The following SDCCAG8 variants were observed in gnomAD, a reference collection of about 807,000 sequenced individuals.
SDCCAG8 encodes the protein SHH signaling and ciliogenesis regulator SDCCAG8.
Under a neutral mutation model 101.8 loss-of-function variants are expected in SDCCAG8, and 74 were observed. That is an observed-to-expected ratio of 0.73 (90% CI 0.60 to 0.88). SDCCAG8 has a LOEUF of 0.88. Ranked by LOEUF, SDCCAG8 falls within the 40% of genes least tolerant of loss-of-function variation. The probability of loss-of-function intolerance (pLI) is 0.00; values close to 1 mark genes in which losing one functional copy is unlikely to be tolerated. For synonymous variants in SDCCAG8, 281 were observed against 292.9 expected (o/e 0.96, Z 0.41); for missense variants, 787 against 822.6 (o/e 0.96, Z 0.53).
intron 16 of SDCCAG8, among the ~76,000 whole-genome samples, chr1:243,442,450 C>T (rs1237098132): frequency 6.6e-6 from 1 of 152,170 alleles, no homozygotes; most frequent in Non-Finnish European, 1.5e-5. Context: ...GATGCGTCTA[C>T]AGCCAACCTC....
At chr1:243,315,856 G>A (rs2073187141) in intron 8 of SDCCAG8, among the ~76,000 whole-genome samples, 1 of 152,148 alleles carries the variant, frequency 6.6e-6, no homozygotes, top group South Asian at 2.1e-4. Flanking sequence ...ACAAAACAGG[G>A]AACACCATAT....
At chr1:243,329,118 CTTAAA>C (rs2074410247) in intron 9 of SDCCAG8, among the ~76,000 whole-genome samples, 3 of 152,102 alleles carry the variant, frequency 2.0e-5, no homozygotes, top group African/African-American at 4.8e-5. Context: ...GCTCCAAGGG[CTTAAA>C]TTATAGAAAA....
At chr1:243,266,438 T>G (rs2067593531) in intron 1 of SDCCAG8, among the ~76,000 whole-genome samples, 1 of 151,850 alleles carries the variant, frequency 6.6e-6, no homozygotes, top group South Asian at 2.1e-4. Flanking sequence ...TGCCTCAGCC[T>G]CCCCAGCAGC....
chr1:243,259,470 G>A (rs930876439), intron 1 of SDCCAG8, among the ~76,000 whole-genome samples: 1 of 151,918 alleles, frequency 6.6e-6, no homozygotes, highest in Admixed American at 6.6e-5. Context: ...GTACTATTAT[G>A]GTATATCAAA....
intron 16 of SDCCAG8, among the ~76,000 whole-genome samples, chr1:243,483,574 C>T (rs376511560): frequency 3.3e-5 from 5 of 150,826 alleles, no homozygotes; most frequent in Non-Finnish European, 7.4e-5. Context: ...CACCCCGTCT[C>T]GCGACCTCCC....
intron 12 of SDCCAG8, among the ~76,000 whole-genome samples, chr1:243,371,727 C>T (rs1266273396): frequency 6.6e-6 from 1 of 152,004 alleles, no homozygotes; most frequent in African/African-American, 2.4e-5. Context: ...AGGCTGGTTC[C>T]CCAAGTGTCT....
intron 16 of SDCCAG8, among the ~76,000 whole-genome samples, chr1:243,435,225 A>G (rs1226642767): frequency 1.3e-5 from 2 of 152,118 alleles, no homozygotes; most frequent in Non-Finnish European, 2.9e-5. Flanking sequence ...CCTTCCTAAA[A>G]CCAAGTTCTC....
At chr1:243,418,910 T>G (rs1382208879) in intron 15 of SDCCAG8, among the ~76,000 whole-genome samples, 1 of 152,194 alleles carries the variant, frequency 6.6e-6, no homozygotes, top group Non-Finnish European at 1.5e-5. Context: ...AAAAATTGCC[T>G]GTGTGTCTTC....
intron 16 of SDCCAG8, among the ~76,000 whole-genome samples, chr1:243,432,535 T>TA (rs770592144): frequency 2.6e-5 from 4 of 152,122 alleles, no homozygotes; most frequent in Non-Finnish European, 4.4e-5. Context: ...TTAAAAGTTT[T>TA]AAAAAAATGG....
intron 14 of SDCCAG8, among the ~76,000 whole-genome samples, chr1:243,417,412 C>T (rs746880648): frequency 1.1e-4 from 17 of 152,152 alleles, no homozygotes; most frequent in Non-Finnish European, 2.1e-4. Flanking sequence ...TCCATTGAAG[C>T]TCATGCTGTT....
chr1:243,301,961 G>A (rs2071552611), intron 6 of SDCCAG8, among the ~76,000 whole-genome samples: 1 of 151,996 alleles, frequency 6.6e-6, no homozygotes, highest in African/African-American at 2.4e-5. Context: ...AAATTATTTA[G>A]GAGAGGCTGG....
rs569333009 is a variant in SDCCAG8 at position 243,492,226 on chromosome 1, C to T, written c.2112+3086C>T. Among the ~76,000 whole-genome samples the T allele has an allele frequency of 3.0e-4, 46 of 151,914 alleles. 2 individuals are homozygous for T. The South Asian group carries it at 8.6e-3, about 28-fold the overall frequency. ...TGGCCACGAGAACCCCCATCCTCCC[C>T]GCTCCCCGGCGCTGTCTGCGGTGGG... On this transcript the variant is annotated intron_variant, in intron 17 of 17. Transcript: ENST00000366541.
intron 1 of SDCCAG8, among the ~76,000 whole-genome samples, chr1:243,262,134 T>A (rs1260149719): frequency 1.4e-5 from 2 of 140,538 alleles, no homozygotes; most frequent in African/African-American, 5.2e-5. Flanking sequence ...TGAGACAGGG[T>A]CTTATTCTTT....
intron 10 of SDCCAG8, 95 bp downstream of exon 10, chr1:243,330,787 T>A: frequency 8.0e-7 from 1 of 1,242,268 alleles, no homozygotes; most frequent in Non-Finnish European, 1.2e-6. Flanking sequence ...GAATGAACTT[T>A]AAATTTTAAA....
Position 243,433,939 on chromosome 1 carries a change from G to C in SDCCAG8, c.1985+7381G>C, listed in dbSNP as rs375566272. Among the ~76,000 whole-genome samples, 140 of 152,304 alleles carry C rather than the reference G, an allele frequency of 9.2e-4. 1 individual carries two copies. Among genetic ancestry groups the C allele is most frequent in the African/African-American group, 3.2e-3 (133 of 41,548 alleles). ...ATTCTACTGGCCGCCTCCACACCCG[G>C]CAGAGCTTGTGTGATGTAACATAAG... On this transcript the variant is annotated intron_variant, in intron 16 of 17. Coordinates refer to ENST00000366541, the MANE Select transcript of SDCCAG8 (RefSeq NM_006642.5).
At chr1:243,268,024 A>G (rs2067773013) in intron 1 of SDCCAG8, 3 of 778,040 alleles carry the variant, frequency 3.9e-6, no homozygotes, top group Non-Finnish European at 7.2e-6. Context: ...CTTTCTCTTT[A>G]GGTTTTAATC....
intron 16 of SDCCAG8, 101 bp from the exon 17 acceptor site, chr1:243,488,913 A>G: frequency 1.9e-6 from 3 of 1,573,368 alleles, no homozygotes; most frequent in Non-Finnish European, 8.7e-7. Flanking sequence ...CGTCCTGCTC[A>G]TGGTTCCCTA....
At chr1:243,368,992 G>A (rs888485151) in intron 12 of SDCCAG8, among the ~76,000 whole-genome samples, 1 of 151,990 alleles carries the variant, frequency 6.6e-6, no homozygotes, top group African/African-American at 2.4e-5. Flanking sequence ...TTCAGGAGGG[G>A]GTTATGTTCC....
intron 15 of SDCCAG8, among the ~76,000 whole-genome samples, 200 bp downstream of exon 15, chr1:243,418,276 A>G (rs2080745656): frequency 6.6e-6 from 1 of 152,090 alleles, no homozygotes; most frequent in Non-Finnish European, 1.5e-5. Context: ...GGTTATGTGT[A>G]TGTACTATTA....
Sources: allele counts gnomAD v4.1 joint callset (sites outside exome capture counted in the v4.1 genomes callset), GRCh38; gene constraint gnomAD v4.1.1; transcripts MANE v1.5; gene names NCBI Gene and HGNC (gene_info 2026-07-23, HGNC 2026-07-21).